NDST4: variants seen among roughly 807,000 people sequenced by gnomAD.
The protein encoded by NDST4 is N-deacetylase and N-sulfotransferase 4, also known as N-heparan sulfate sulfotransferase 4.
NDST4 carries 63 observed loss-of-function variants against 100.8 expected under a neutral mutation model. The ratio of observed to expected loss-of-function variants is 0.62; its 90% CI spans 0.51 to 0.77. The LOEUF (loss-of-function observed/expected upper bound fraction) is 0.77, where lower values mean the gene tolerates loss of function less well. NDST4 is among the 30% of genes least tolerant of loss of function. NDST4 has a pLI of 0.00. For synonymous variants in NDST4, 377 were observed against 361.8 expected (o/e 1.04, Z -0.48); for missense variants, 943 against 1,018.4 (o/e 0.93, Z 1.01).
rs112014879 is a variant in NDST4, at chr4:115,078,327, G to A, written c.-246-1045C>T. ...AGAGAGAGTGTGTGTTTAGAAGACA[G>A]GAAGATGAGGATATGTTTGGAACTT... On this transcript the variant is annotated intron_variant, in intron 1 of 13. Transcript: ENST00000264363. 8.2e-3 allele frequency among the ~76,000 whole-genome samples: 1,253 copies of A among 152,200 alleles called. 21 individuals are homozygous for A. Among genetic ancestry groups the A allele is most frequent in the African/African-American group, 0.028 (1,166 of 41,522 alleles).
intron 1 of NDST4, among the ~76,000 whole-genome samples, chr4:115,105,193 A>G (rs1299192102): frequency 3.3e-5 from 5 of 152,158 alleles, no homozygotes; most frequent in African/African-American, 1.2e-4. Flanking sequence ...CTTCTACAAA[A>G]AGGCATCATA....
chr4:114,909,194 G>C (rs1041030202), intron 6 of NDST4, among the ~76,000 whole-genome samples: 1 of 151,990 alleles, frequency 6.6e-6, no homozygotes, highest in African/African-American at 2.4e-5. Context: ...ATATAAAGTA[G>C]AGTAAATAAT....
Position 115,076,210 on chromosome 4 carries a change from T to A in NDST4, c.827A>T (p.Asn276Ile), listed in dbSNP as rs746896779. ...IQRVLFGNNL[N>I]FWLHKLIFID... Reference sequence around the variant, plus strand: ...GAAGATGAGCTTGTGCAGCCAAAAGTTCAAGTTGTTGCCAAAAAGTACTCT... The same window carrying A: ...GAAGATGAGCTTGTGCAGCCAAAAGATCAAGTTGTTGCCAAAAAGTACTCT... Residue 276 changes from asparagine to isoleucine, a missense_variant, in exon 2 of 14, where the codon AAC (asparagine) becomes ATC (isoleucine). Coordinates refer to ENST00000264363, the MANE Select transcript of NDST4 (RefSeq NM_022569.3). 6.2e-7 allele frequency: 1 copy of A among 1,613,924 alleles called. No homozygotes were observed. Among genetic ancestry groups the A allele is most frequent in the Non-Finnish European group, 8.5e-7 (1 of 1,179,944 alleles).
intron 7 of NDST4, among the ~76,000 whole-genome samples, chr4:114,867,722 T>C (rs1331299677): frequency 2.8e-5 from 4 of 144,516 alleles, no homozygotes; most frequent in Non-Finnish European, 4.5e-5. Flanking sequence ...TGTGTAGTGA[T>C]TATTCTACCA....
chr4:114,830,225 G>C (rs1723164970), intron 12 of NDST4, among the ~76,000 whole-genome samples: 1 of 152,008 alleles, frequency 6.6e-6, no homozygotes, highest in African/African-American at 2.4e-5. Context: ...AATATATAAA[G>C]GAACTTTAGG....
At chr4:114,878,263 A>G (rs972851880) in intron 6 of NDST4, among the ~76,000 whole-genome samples, 2 of 152,194 alleles carry the variant, frequency 1.3e-5, no homozygotes, top group African/African-American at 2.4e-5. Context: ...CAGGTTTCAT[A>G]TAAGATGTGC....
intron 1 of NDST4, among the ~76,000 whole-genome samples, chr4:115,110,582 T>A (rs1729933641): frequency 6.6e-6 from 1 of 151,986 alleles, no homozygotes; most frequent in East Asian, 1.9e-4. Context: ...TTCACATTTC[T>A]TTGTTTTGGC....
intron 1 of NDST4, among the ~76,000 whole-genome samples, chr4:115,096,649 A>G (rs1307046886): frequency 2.0e-5 from 3 of 152,060 alleles, no homozygotes; most frequent in African/African-American, 7.2e-5. Context: ...CACTGAAGAT[A>G]TTGCTTCAGT....
At chr4:115,077,764 G>T (rs983868591) in intron 1 of NDST4, among the ~76,000 whole-genome samples, 7 of 152,122 alleles carry the variant, frequency 4.6e-5, no homozygotes, top group Non-Finnish European at 1.0e-4. Flanking sequence ...CTTAAGTTTA[G>T]AGTAGTTACA....
At chr4:115,000,560 T>TA (rs1330875068) in intron 2 of NDST4, among the ~76,000 whole-genome samples, 4 of 152,086 alleles carry the variant, frequency 2.6e-5, no homozygotes, top group Non-Finnish European at 4.4e-5. Context: ...AAAACAAACC[T>TA]AAAACTACAT....
chr4:114,955,204 T>A (rs1304180348), intron 4 of NDST4, among the ~76,000 whole-genome samples: 2 of 152,134 alleles, frequency 1.3e-5, no homozygotes, highest in East Asian at 3.9e-4. Context: ...CAGCTCAGCA[T>A]CAATTTGTAG....
At chr4:114,980,444 C>T (rs1034984152) in intron 2 of NDST4, among the ~76,000 whole-genome samples, 1 of 151,982 alleles carries the variant, frequency 6.6e-6, no homozygotes, top group African/African-American at 2.4e-5. Context: ...AAGTTCAAGA[C>T]CAGCCTGGCC....
chr4:114,956,015 T>G (rs1168298549), intron 4 of NDST4: 1 of 152,234 alleles, frequency 6.6e-6, no homozygotes. Context: ...ATTTGAGACC[T>G]GGAGTTTTCC....
rs751296369 is a variant in NDST4, at chr4:114,929,022, ATCTG to A, written c.1536+6180_1536+6183del. ...TCTGCCTCTCTCTATATCCCTATCT[ATCTG>A]TCTGTCTGTCTGTCTGTCCGTCCGT... On this transcript the variant is annotated intron_variant, in intron 6 of 13. Coordinates refer to ENST00000264363, the MANE Select transcript of NDST4 (RefSeq NM_022569.3). Among the ~76,000 whole-genome samples, 1,239 of 139,786 alleles carry A rather than the reference ATCTG, an allele frequency of 8.9e-3. 29 individuals are homozygous for A. Among genetic ancestry groups the A allele is most frequent in the African/African-American group, 0.03 (1,075 of 35,776 alleles). The allele number at this position is 139,786 out of a possible 152,430, so 91.7% of individuals were successfully genotyped here.
chr4:115,072,597 C>A (rs1309699732), intron 2 of NDST4, among the ~76,000 whole-genome samples: 1 of 151,866 alleles, frequency 6.6e-6, no homozygotes, highest in Non-Finnish European at 1.5e-5. Flanking sequence ...AAAGGGCAGT[C>A]TCTTCAATAA....
intron 6 of NDST4, among the ~76,000 whole-genome samples, chr4:114,929,008 C>CTA (rs2126222241): frequency 6.6e-6 from 1 of 151,884 alleles, no homozygotes; most frequent in East Asian, 1.9e-4. Context: ...CTGCCTCTCT[C>CTA]TATATCCCTA....
chr4:114,901,156 T>A (rs1293400794), intron 6 of NDST4, among the ~76,000 whole-genome samples: 1 of 152,054 alleles, frequency 6.6e-6, no homozygotes, highest in Non-Finnish European at 1.5e-5. Context: ...ATGTCCATTA[T>A]ATCCATTTGA....
In NDST4 at chr4:115,043,279, TA is replaced by T. The variant is rs1365843834; in HGVS notation, c.978+32779del. ...GTCTCAAGAGTTGGCAGAAGTATTA[TA>T]AAAAAATTTTAATATAAGCTAAGGT... On this transcript the variant is annotated intron_variant, in intron 2 of 13. Transcript: ENST00000264363. Among the ~76,000 whole-genome samples, 115 of 152,192 alleles carry T rather than the reference TA, an allele frequency of 7.6e-4. 1 individual carries two copies. Among genetic ancestry groups the T allele is most frequent in the East Asian group, 2.7e-3 (14 of 5,176 alleles).
intron 2 of NDST4, among the ~76,000 whole-genome samples, chr4:115,001,316 C>G (rs1727284510): frequency 1.3e-5 from 2 of 151,938 alleles, no homozygotes; most frequent in Non-Finnish European, 2.9e-5. Context: ...AAGACTCTTT[C>G]CTAGGTATGT....
Sources: allele counts gnomAD v4.1 joint callset (sites outside exome capture counted in the v4.1 genomes callset), GRCh38; gene constraint gnomAD v4.1.1; transcripts MANE v1.5; gene names NCBI Gene and HGNC (gene_info 2026-07-23, HGNC 2026-07-21).